Variants in CP observed in about 807,000 individuals in gnomAD.
CP encodes ceruloplasmin.
A neutral mutation model predicts 122.4 loss-of-function variants in CP; 64 were observed. That is an observed-to-expected ratio of 0.52 (90% CI 0.43 to 0.64). CP has a LOEUF of 0.64. Among genes scored for constraint, CP ranks in the 30% least tolerant of loss-of-function variants. The pLI is 0.00. For synonymous variants in CP, 440 were observed against 436.4 expected, an observed-to-expected ratio of 1.01 and a Z score of -0.10; for missense variants, 1,167 against 1,284.4, an observed-to-expected ratio of 0.91 and a Z score of 1.40.
At chr3:149,202,349 G>T in intron 6 of CP, 108 bp from the exon 7 acceptor site, 1 of 1,375,816 alleles carries the variant, frequency 7.3e-7, no homozygotes, top group Non-Finnish European at 1.0e-6. Flanking sequence ...GCTTAGAGAT[G>T]AATATTATCC....
At chr3:149,194,131 T>C (rs1205034642) in intron 9 of CP, among the ~76,000 whole-genome samples, 1 of 152,182 alleles carries the variant, frequency 6.6e-6, no homozygotes, top group South Asian at 2.1e-4. Flanking sequence ...TTAATAAACA[T>C]TAGTCTTGTT....
At chr3:149,192,981 TAC>T (rs3070607) in intron 9 of CP, among the ~76,000 whole-genome samples, 17,094 of 148,710 alleles carry the variant, frequency 0.11, 1,604 homozygotes, top group African/African-American at 0.26. Flanking sequence ...TGATCCTGTA[TAC>T]ACACACACAC....
At chr3:149,188,277 T>A in intron 9 of CP, 75 bp from the exon 10 acceptor site, 1 of 1,250,496 alleles carries the variant, frequency 8.0e-7, no homozygotes, top group South Asian at 1.2e-5. Context: ...ATACTATTTA[T>A]GCACAAACAC....
At chr3:149,185,067 C>T (rs922094412) in intron 12 of CP, 172 bp downstream of exon 12, 26 of 649,412 alleles carry the variant, frequency 4.0e-5, no homozygotes, top group Admixed American at 1.4e-4. Flanking sequence ...TTGAGAGAAG[C>T]GGAAATGAAT....
At position 149,185,297 on chromosome 3, in the gene CP, A is replaced by C. The variant is rs948479993; in HGVS notation, c.2227T>G (p.Trp743Gly). 8 of 1,613,956 alleles carry C rather than the reference A, an allele frequency of 5.0e-6. No homozygotes were observed. The highest frequency in any genetic ancestry group is 6.8e-6 in the Non-Finnish European group (8 of 1,180,026). ...CACTCCCTTTGTGGGGAATAATCCC[A>C]TTCCACCTCCACTGCTGCGATATAG... ...TYYIAAVEVEWDYSPQREWEK... is the reference protein window; with the variant it reads ...TYYIAAVEVEGDYSPQREWEK... Residue 743 changes from tryptophan to glycine, a missense_variant, in exon 12 of 19, where the codon TGG becomes GGG. Trp to Gly is a radical substitution (Grantham distance 184). Around this residue, in one of 2 missense-constraint regions of CP, gnomAD observed 525 missense variants for 657.2 expected, o/e 0.80. Transcript: ENST00000264613.
intron 2 of CP, among the ~76,000 whole-genome samples, chr3:149,212,046 C>A (rs1305535349): frequency 6.6e-6 from 1 of 152,092 alleles, no homozygotes; most frequent in Non-Finnish European, 1.5e-5. Flanking sequence ...GTAATCCCAG[C>A]ACTTTGGGAG....
At chr3:149,217,804 A>T in intron 1 of CP, 2 of 288,406 alleles carry the variant, frequency 6.9e-6, no homozygotes, top group Non-Finnish European at 1.4e-5. Flanking sequence ...TGAAATGAAC[A>T]CTTATTGAAT....
At chr3:149,220,034 A>G (rs1728705347) in intron 1 of CP, among the ~76,000 whole-genome samples, 1 of 152,200 alleles carries the variant, frequency 6.6e-6, no homozygotes, top group Non-Finnish European at 1.5e-5. Context: ...AGAAGAGACT[A>G]ATATAGTCAC....
intron 11 of CP, chr3:149,186,241 G>A (rs1471954628): frequency 4.2e-6 from 2 of 472,272 alleles, no homozygotes; most frequent in Admixed American, 3.4e-5. Context: ...TCTTTAAAAG[G>A]ACCATAATCT....
intron 5 of CP, among the ~76,000 whole-genome samples, chr3:149,163,479 G>A (rs1724094759): frequency 6.6e-6 from 1 of 152,166 alleles, no homozygotes; most frequent in Non-Finnish European, 1.5e-5. Context: ...GCTTCTTGGG[G>A]ATTGTCTTGA....
intron 12 of CP, among the ~76,000 whole-genome samples, chr3:149,184,183 C>T (rs1026912418): frequency 5.3e-5 from 8 of 151,466 alleles, no homozygotes; most frequent in East Asian, 1.9e-4. Context: ...TACAAGCGCC[C>T]GCCACCATGC....
At chr3:149,197,737 G>A (rs573047681) in intron 9 of CP, among the ~76,000 whole-genome samples, 1 of 152,250 alleles carries the variant, frequency 6.6e-6, no homozygotes, top group South Asian at 2.1e-4. Context: ...GATAAGGAAC[G>A]TGCAACCTAG....
chr3:149,188,108 G>A lies in CP; in HGVS notation c.1808C>T (p.Ala603Val). The change falls in exon 10 of 19, where the codon GCA (alanine) becomes GTA (valine). Residue 603 changes from alanine (A) to valine (V), a missense_variant. Ala to Val is a moderately conservative substitution (Grantham distance 64). Around this residue, in one of 2 missense-constraint regions of CP, gnomAD observed 525 missense variants for 657.2 expected, o/e 0.80. Transcript: ENST00000264613. ...ATCTTCCTTATCCACCTGATCAGGTGCAGTTGTAAACATTCTAATATTATC... is the reference window on the plus strand; with the variant it reads ...ATCTTCCTTATCCACCTGATCAGGTACAGTTGTAAACATTCTAATATTATC... ...LEDNIRMFTT[A>V]PDQVDKEDED... 6.2e-7 allele frequency: 1 copy of A among 1,612,432 alleles called. No homozygotes were observed.
At chr3:149,172,318 T>TCTCACACACA (rs72453449), downstream of CP, 5,079 of 571,248 alleles carry the variant, frequency 8.9e-3, 38 homozygotes, top group South Asian at 0.02. Context: ...ATTTTATATA[T>TCTCACACACA]CACACACACA....
chr3:149,182,348 C>T (rs1342958830), intron 13 of CP, among the ~76,000 whole-genome samples: 1 of 152,164 alleles, frequency 6.6e-6, no homozygotes, highest in African/African-American at 2.4e-5. Context: ...GAGGTTTGGC[C>T]TGAAAGTCCT....
chr3:149,183,012 G>A (rs926408634), intron 13 of CP, among the ~76,000 whole-genome samples: 6 of 152,184 alleles, frequency 3.9e-5, no homozygotes, highest in East Asian at 1.9e-4. Flanking sequence ...TTAGCCAGGC[G>A]TGGTGGCCCA....
At chr3:149,195,268 A>G (rs73019047) in intron 9 of CP, among the ~76,000 whole-genome samples, 2 of 152,176 alleles carry the variant, frequency 1.3e-5, no homozygotes, top group Non-Finnish European at 2.9e-5. Context: ...GGATTTGGCA[A>G]TATTTCACAA....
intron 7 of CP, among the ~76,000 whole-genome samples, chr3:149,200,879 A>C (rs144117457): frequency 8.7e-4 from 132 of 152,246 alleles, no homozygotes; most frequent in Non-Finnish European, 1.3e-3. Flanking sequence ...ACAGCTTTTT[A>C]TAAGGGCCTC....
intron 6 of CP, 110 bp downstream of exon 6, chr3:149,206,058 T>G: frequency 1.1e-6 from 1 of 939,850 alleles, no homozygotes; most frequent in South Asian, 1.5e-5. Context: ...GCAGTCTAGT[T>G]ACTCAATTTC....
Sources: allele counts gnomAD v4.1 joint callset (sites outside exome capture counted in the v4.1 genomes callset), GRCh38; gene constraint gnomAD v4.1.1; regional missense constraint gnomAD v4.1.1; transcripts MANE v1.5; gene names NCBI Gene and HGNC (gene_info 2026-07-23, HGNC 2026-07-21).